PBRM1: variants seen among roughly 807,000 people sequenced by gnomAD.
The protein encoded by PBRM1 is polybromo 1, also known as protein polybromo-1.
A neutral mutation model predicts 194.5 loss-of-function variants in PBRM1; 27 were observed. The ratio of observed to expected loss-of-function variants is 0.14; its 90% CI spans 0.10 to 0.19. The LOEUF is 0.19. Among genes scored for constraint, PBRM1 ranks in the 10% least tolerant of loss-of-function variants. The pLI is 1.00. For synonymous variants in PBRM1, 655 were observed against 693.2 expected, an observed-to-expected ratio of 0.94 and a Z score of 0.87; for missense variants, 1,466 against 2,077.2, an observed-to-expected ratio of 0.71 and a Z score of 5.72.
At chr3:52,653,771 G>A (rs2096556399) in intron 5 of PBRM1, among the ~76,000 whole-genome samples, 1 of 149,480 alleles carries the variant, frequency 6.7e-6, no homozygotes, top group Non-Finnish European at 1.5e-5. Flanking sequence ...TTAGCTGGGT[G>A]TGGTGGCGGG....
chr3:52,634,487 A>G, intron 11 of PBRM1, 115 bp downstream of exon 12: 1 of 729,850 alleles, frequency 1.4e-6, no homozygotes, highest in Non-Finnish European at 2.3e-6. Context: ...TGAGGTTAAA[A>G]AAAAACACCA....
chr3:52,656,737 A>T (rs564125939), intron 5 of PBRM1, among the ~76,000 whole-genome samples: 16 of 152,274 alleles, frequency 1.1e-4, no homozygotes, highest in Middle Eastern at 3.4e-3. Flanking sequence ...CCAATCTTGG[A>T]AACAACCCAA....
At chr3:52,655,472 T>C (rs1437809517) in intron 5 of PBRM1, among the ~76,000 whole-genome samples, 1 of 152,208 alleles carries the variant, frequency 6.6e-6, no homozygotes, top group African/African-American at 2.4e-5. Flanking sequence ...CATTCACTGA[T>C]GGACACCTGA....
intron 4 of PBRM1, among the ~76,000 whole-genome samples, 180 bp from the exon 6 acceptor site, chr3:52,658,495 A>C (rs1279785462): frequency 6.6e-6 from 1 of 151,818 alleles, no homozygotes; most frequent in East Asian, 1.9e-4. Context: ...CCTGGGTTTA[A>C]GTAATTCTCC....
intron 4 of PBRM1, among the ~76,000 whole-genome samples, chr3:52,661,855 A>G (rs1222847126): frequency 6.6e-6 from 1 of 152,212 alleles, no homozygotes; most frequent in Non-Finnish European, 1.5e-5. Context: ...CTAATCCTTG[A>G]TAATATCAAG....
At chr3:52,639,447 T>C (rs1416346720) in intron 10 of PBRM1, among the ~76,000 whole-genome samples, 1 of 152,096 alleles carries the variant, frequency 6.6e-6, no homozygotes, top group Non-Finnish European at 1.5e-5. Context: ...TTTCTTTTTT[T>C]TTTTGGAGGC....
Position 52,573,383 on chromosome 3 carries a change from T to G in PBRM1, c.3691+3158A>C, listed in dbSNP as rs796900976. Among the ~76,000 whole-genome samples, 13 of 152,144 alleles carry G rather than the reference T, an allele frequency of 8.5e-5. No individual in the cohort carries two copies. In the East Asian group the frequency reaches 1.9e-3, roughly 23 times the overall value. ...ATCTCAGCTCACTGCAACCTCCACC[T>G]CTCGGGTTCAAACAATTCTCTTGCC... On this transcript the variant is annotated intron_variant, in intron 22 of 29. Coordinates refer to ENST00000296302, the Ensembl canonical transcript of PBRM1.
intron 4 of PBRM1, among the ~76,000 whole-genome samples, chr3:52,658,992 T>A (rs2096663603): frequency 6.6e-6 from 1 of 152,212 alleles, no homozygotes; most frequent in African/African-American, 2.4e-5. Flanking sequence ...TCTATTGAAG[T>A]CTTACAGGAC....
chr3:52,675,976 G>A (rs1414979362), intron 2 of PBRM1, among the ~76,000 whole-genome samples: 1 of 98,706 alleles, frequency 1.0e-5, no homozygotes, highest in Non-Finnish European at 2.0e-5. Flanking sequence ...TTAGCCGGGC[G>A]TAGTGGCGGG....
Position 52,561,762 on chromosome 3 carries a change from T to C in PBRM1, c.4288+5A>G, listed in dbSNP as rs752746972. On this transcript the variant is annotated splice_donor_5th_base_variant and intron_variant, in intron 25 of 29. Coordinates refer to ENST00000296302, the Ensembl canonical transcript of PBRM1. ...GAAAGACAGTTGTGCCTAGGCTCTATTTACCTTCATATTCTGCTTTCTTGG... is the reference window on the plus strand; with the variant it reads ...GAAAGACAGTTGTGCCTAGGCTCTACTTACCTTCATATTCTGCTTTCTTGG... 6.8e-6 allele frequency: 11 copies of C among 1,612,806 alleles called. No homozygotes were observed. In the South Asian group the frequency reaches 9.9e-5, roughly 14 times the overall value.
intron 29 of PBRM1, among the ~76,000 whole-genome samples, chr3:52,548,490 G>C (rs1014531298): frequency 2.6e-5 from 4 of 151,308 alleles, no homozygotes; most frequent in Non-Finnish European, 1.5e-5. Flanking sequence ...GCAGTGGCGC[G>C]ATCTCAGCTC....
At chr3:52,659,155 C>G (rs1165552173) in intron 4 of PBRM1, among the ~76,000 whole-genome samples, 1 of 152,170 alleles carries the variant, frequency 6.6e-6, no homozygotes, top group Non-Finnish European at 1.5e-5. Flanking sequence ...GTTCTTTAGA[C>G]CCACTGGTTT....
intron 21 of PBRM1, among the ~76,000 whole-genome samples, chr3:52,578,643 T>C (rs2090309948): frequency 6.6e-6 from 1 of 152,144 alleles, no homozygotes; most frequent in African/African-American, 2.4e-5. Flanking sequence ...AATACAAGGG[T>C]GAAACCTGAC....
chr3:52,639,329 GTTTA>G (rs1355346731), intron 10 of PBRM1, among the ~76,000 whole-genome samples: 3 of 152,032 alleles, frequency 2.0e-5, no homozygotes, highest in Middle Eastern at 3.4e-3. Context: ...CGCCAATATT[GTTTA>G]TTTATGCCTT....
upstream of PBRM1, among the ~76,000 whole-genome samples, chr3:52,682,480 T>C (rs1055646575): frequency 6.6e-6 from 1 of 152,122 alleles, no homozygotes; most frequent in Non-Finnish European, 1.5e-5. Context: ...TCAGCATGTG[T>C]ATGTCGTTCG....
At chr3:52,575,589 C>T (rs1045885990) in intron 22 of PBRM1, among the ~76,000 whole-genome samples, 1 of 108,296 alleles carries the variant, frequency 9.2e-6, no homozygotes, top group Non-Finnish European at 1.9e-5. Context: ...TCTTGGCTCA[C>T]TGCAGCCTCT....
intron 20 of PBRM1, among the ~76,000 whole-genome samples, chr3:52,581,587 C>A (rs2091210101): frequency 6.6e-6 from 1 of 151,120 alleles, no homozygotes; most frequent in Non-Finnish European, 1.5e-5. Context: ...AATAAAACAA[C>A]CCATGAGATT....
chr3:52,629,538 T>C (rs1481407171), intron 11 of PBRM1, among the ~76,000 whole-genome samples: 1 of 152,246 alleles, frequency 6.6e-6, no homozygotes, highest in Non-Finnish European at 1.5e-5. Flanking sequence ...AGTGGTCTTA[T>C]GATGGTAAAA....
intron 17 of PBRM1, among the ~76,000 whole-genome samples, chr3:52,598,893 A>C (rs543679413): frequency 6.6e-6 from 1 of 152,150 alleles, no homozygotes; most frequent in Non-Finnish European, 1.5e-5. Flanking sequence ...GTGGTGGCGC[A>C]CGCCTGTAAT....
Sources: allele counts gnomAD v4.1 joint callset (sites outside exome capture counted in the v4.1 genomes callset), GRCh38; gene constraint gnomAD v4.1.1; transcripts MANE v1.5; gene names NCBI Gene and HGNC (gene_info 2026-07-23, HGNC 2026-07-21).